SLC30A7: variants seen among roughly 807,000 people sequenced by gnomAD.
The protein encoded by SLC30A7 is zinc transporter 7.
SLC30A7 carries 35 observed loss-of-function variants against 46.0 expected under a neutral mutation model. The ratio of observed to expected loss-of-function variants is 0.76; its 90% CI spans 0.58 to 1.01. The LOEUF (loss-of-function observed/expected upper bound fraction) is 1.01, where lower values mean the gene tolerates loss of function less well. Among genes scored for constraint, SLC30A7 ranks in the 50% least tolerant of loss-of-function variants. The pLI is 0.00. For synonymous variants in SLC30A7, 147 were observed against 157.8 expected (o/e 0.93, Z 0.51); for missense variants, 464 against 451.1 (o/e 1.03, Z -0.26).
At chr1:100,904,732 T>G (rs1207647986) in intron 2 of SLC30A7, among the ~76,000 whole-genome samples, 1 of 152,206 alleles carries the variant, frequency 6.6e-6, no homozygotes, top group Non-Finnish European at 1.5e-5. Flanking sequence ...GCTCTTTTCT[T>G]CATGCGCTTA....
chr1:100,910,906 T>TATATAAAATATATATAGTAGA (rs1177192224), intron 3 of SLC30A7, among the ~76,000 whole-genome samples, 157 bp from the exon 4 acceptor site: 26 of 152,196 alleles, frequency 1.7e-4, no homozygotes, highest in Non-Finnish European at 2.8e-4. Context: ...ATTTCTACTA[T>TATATAAAATATATATAGTAGA]ATATAAAATA....
chr1:100,973,412 G>A (rs1656268880), intron 10 of SLC30A7, among the ~76,000 whole-genome samples: 1 of 152,066 alleles, frequency 6.6e-6, no homozygotes, highest in Non-Finnish European at 1.5e-5. Context: ...ATCATTTTGG[G>A]TTGAAAGAAG....
the SLC30A7 span, among the ~76,000 whole-genome samples, chr1:100,993,561 T>TATAA: frequency 1.6e-5 from 1 of 61,848 alleles, no homozygotes; most frequent in African/African-American, 7.5e-5. Flanking sequence ...AAAATATAAA[T>TATAA]ATATATATAT....
intron 2 of SLC30A7, among the ~76,000 whole-genome samples, chr1:100,905,580 T>G (rs1489855867): frequency 6.6e-6 from 1 of 152,138 alleles, no homozygotes; most frequent in Non-Finnish European, 1.5e-5. Context: ...GATGCTCTGC[T>G]TTTTTTGTTT....
rs1652652209 is a variant in SLC30A7 at position 100,917,575 on chromosome 1, AG to A, written c.656-501del. Among the ~76,000 whole-genome samples the A allele has an allele frequency of 2.0e-5, 3 of 152,348 alleles. No individual in the cohort carries two copies. The South Asian group carries it at 6.2e-4, about 32-fold the overall frequency. ...CAAGATGTTTAGAGATAGAAATTAT[AG>A]CATTTTGTCATCATAAAAGCAAAAT... is the stretch of plus-strand genomic sequence containing the variant. On this transcript the variant is annotated intron_variant, in intron 6 of 10. Transcript: ENST00000357650.
rs762252859 is a variant in SLC30A7, at chr1:100,978,212, A to G, written c.*3355A>G. ...TTCCTTGTGCTGTCATTTCCCTTAT[A>G]TCTGGAATTTGTCAGCATTCCTGAA... On this transcript the variant is annotated 3_prime_UTR_variant, in exon 11 of 11. Coordinates refer to ENST00000357650, the MANE Select transcript of SLC30A7 (RefSeq NM_133496.5). 6.6e-6 allele frequency: 1 copy of G among 152,174 alleles called. No homozygotes were observed. Among genetic ancestry groups the G allele is most frequent in the East Asian group, 1.9e-4 (1 of 5,204 alleles). The allele number at this position is 152,174 out of a possible 1,614,324, so 9.4% of individuals were successfully genotyped here.
At chr1:100,944,831 G>A (rs1021046819) in intron 8 of SLC30A7, among the ~76,000 whole-genome samples, 7 of 152,070 alleles carry the variant, frequency 4.6e-5, no homozygotes, top group African/African-American at 9.7e-5. Flanking sequence ...GGGTCAAGTG[G>A]TATTTCTAGT....
rs769981713 is a variant in SLC30A7, at chr1:100,896,661, T to G, written c.172T>G (p.Trp58Gly). Residue 58 changes from tryptophan to glycine, a missense_variant, in exon 2 of 11, where the codon TGG (tryptophan) becomes GGG (glycine). Physicochemically the swap from Trp to Gly is radical, Grantham distance 184 (BLOSUM62 -2). Transcript: ENST00000357650. ...TTTTGTGGAACTACTCTACGGCATC[T>G]GGAGCAACTGGTAACCAAAGGGGAA... ...FAFVELLYGIWSNCLGLISDS... is the reference protein window; with the variant it reads ...FAFVELLYGIGSNCLGLISDS... The G allele has an allele frequency of 2.5e-6, 4 of 1,613,792 alleles. No individual in the cohort carries two copies. In the Admixed American group the frequency reaches 6.7e-5, roughly 27 times the overall value.
chr1:100,897,727 A>G (rs1651055672), intron 2 of SLC30A7, among the ~76,000 whole-genome samples: 1 of 152,156 alleles, frequency 6.6e-6, no homozygotes, highest in South Asian at 2.1e-4. Context: ...TCAACCGTCA[A>G]TTCAGTTCTA....
chr1:100,988,302 G>T, the SLC30A7 span, among the ~76,000 whole-genome samples: 3 of 152,232 alleles, frequency 2.0e-5, no homozygotes, highest in African/African-American at 7.2e-5. Context: ...GGGAAAGACC[G>T]AAGGGGAAAA....
intron 8 of SLC30A7, among the ~76,000 whole-genome samples, chr1:100,954,405 A>G (rs991996003): frequency 9.2e-5 from 14 of 152,090 alleles, no homozygotes; most frequent in Admixed American, 7.2e-4. Flanking sequence ...GGATTAAATT[A>G]AAAAAAATTT....
chr1:100,981,880 C>G (rs1656955995), downstream of SLC30A7: 1 of 152,212 alleles, frequency 6.6e-6, no homozygotes, highest in Non-Finnish European at 1.5e-5. Flanking sequence ...AGCCAAGAAA[C>G]AGCAGAACTT....
intron 8 of SLC30A7, among the ~76,000 whole-genome samples, chr1:100,938,487 T>C (rs1389204455): frequency 6.6e-6 from 1 of 152,248 alleles, no homozygotes; most frequent in Non-Finnish European, 1.5e-5. Context: ...ATTAGTTTTC[T>C]GTTGCTGCAT....
chr1:100,906,706 C>T (rs895714607), intron 2 of SLC30A7, 146 bp from the exon 3 acceptor site: 5 of 567,392 alleles, frequency 8.8e-6, no homozygotes, highest in African/African-American at 3.8e-5. Flanking sequence ...TAAAACTTAT[C>T]CTCAAAGCTA....
At chr1:100,990,128 TAACA>T in the SLC30A7 span, 4 of 399,828 alleles carry the variant, frequency 1.0e-5, no homozygotes, top group Non-Finnish European at 1.4e-5. Flanking sequence ...TCAGGAAACT[TAACA>T]ATCACGGTGG....
chr1:100,926,807 C>T (rs991057562), intron 8 of SLC30A7, among the ~76,000 whole-genome samples: 5 of 152,152 alleles, frequency 3.3e-5, no homozygotes, highest in Non-Finnish European at 7.3e-5. Context: ...AATAGGGAGA[C>T]AGTCAATAAA....
At chr1:100,941,157 A>G in intron 8 of SLC30A7, 1 of 352,246 alleles carries the variant, frequency 2.8e-6, no homozygotes, top group Non-Finnish European at 5.5e-6. Context: ...TCATGGGTTC[A>G]GAATTTGAAG....
chr1:100,978,325 G>T lies in SLC30A7; in HGVS notation c.*3468G>T, dbSNP rs2101109736. 1 of 152,226 alleles carries T rather than the reference G, an allele frequency of 6.6e-6. No homozygotes were observed. The highest frequency in any genetic ancestry group is 2.4e-5 in the African/African-American group (1 of 41,546). 9.4% of individuals were successfully genotyped at this position (152,226 alleles called of 1,614,324 possible). On this transcript the variant is annotated 3_prime_UTR_variant, in exon 11 of 11. Coordinates refer to ENST00000357650, the MANE Select transcript of SLC30A7 (RefSeq NM_133496.5). ...CAAATCATGAACTCAAAATGTATTT[G>T]ATCACAGTTCTATAATGTTTTTACC... is the stretch of plus-strand genomic sequence containing the variant.
At chr1:100,991,590 C>T in the SLC30A7 span, among the ~76,000 whole-genome samples, 1 of 151,828 alleles carries the variant, frequency 6.6e-6, no homozygotes, top group Non-Finnish European at 1.5e-5. Flanking sequence ...GAGTTTGAGA[C>T]CAGCTGGGCA....
Sources: gnomAD v4.1 joint callset for allele counts (sites outside exome capture counted in the v4.1 genomes callset) on GRCh38, gnomAD v4.1.1 for gene constraint, MANE v1.5 for transcripts, NCBI Gene and HGNC (gene_info 2026-07-23, HGNC 2026-07-21) for gene names.